The following AGBL1 variants were observed in gnomAD, a reference collection of about 807,000 sequenced individuals.
The protein encoded by AGBL1 is AGBL carboxypeptidase 1.
AGBL1 carries 130 observed loss-of-function variants against 118.9 expected under a neutral mutation model. The ratio of observed to expected loss-of-function variants is 1.09; its 90% confidence interval spans 0.95 to 1.26. The LOEUF (loss-of-function observed/expected upper bound fraction) is 1.26, where lower values mean the gene tolerates loss of function less well. Among genes scored for constraint, AGBL1 ranks in the 50% most tolerant of loss-of-function variants. AGBL1 has a pLI of 0.00. For synonymous variants in AGBL1, 555 were observed against 478.9 expected, an observed-to-expected ratio of 1.16 and a Z score of -2.08; for missense variants, 1,584 against 1,298.1, an observed-to-expected ratio of 1.22 and a Z score of -3.38.
At chr15:86,495,488 T>C (rs1334744643) in intron 18 of AGBL1, among the ~76,000 whole-genome samples, 1 of 151,762 alleles carries the variant, frequency 6.6e-6, no homozygotes, top group Non-Finnish European at 1.5e-5. Context: ...TGATAAGCAT[T>C]ATTTTCTTAT....
At chr15:86,371,589 A>G (rs977057078) in intron 17 of AGBL1, among the ~76,000 whole-genome samples, 1 of 152,144 alleles carries the variant, frequency 6.6e-6, no homozygotes, top group African/African-American at 2.4e-5. Flanking sequence ...ATTATCTACT[A>G]TTATACGTCA....
At chr15:87,017,751 A>G (rs2081621799) in intron 24 of AGBL1, among the ~76,000 whole-genome samples, 1 of 152,112 alleles carries the variant, frequency 6.6e-6, no homozygotes. Context: ...CCTCCAAATT[A>G]TTGCAGCATC....
At chr15:86,139,627 C>G (rs1484680968) in intron 1 of AGBL1, among the ~76,000 whole-genome samples, 2 of 152,138 alleles carry the variant, frequency 1.3e-5, no homozygotes, top group African/African-American at 4.8e-5. Context: ...GGGTAAGTGT[C>G]TAGGGATCCC....
chr15:86,252,328 A>T (rs1387685703), intron 7 of AGBL1, among the ~76,000 whole-genome samples: 1 of 152,176 alleles, frequency 6.6e-6, no homozygotes, highest in South Asian at 2.1e-4. Flanking sequence ...ACTGAATTCT[A>T]AAGAGAATAT....
chr15:86,744,740 T>A (rs1011520825), intron 22 of AGBL1, among the ~76,000 whole-genome samples: 2 of 152,152 alleles, frequency 1.3e-5, no homozygotes, highest in Non-Finnish European at 2.9e-5. Context: ...AATCACACTT[T>A]CACAGGATGT....
intron 1 of AGBL1, among the ~76,000 whole-genome samples, chr15:86,120,194 C>A (rs1898010690): frequency 6.6e-6 from 1 of 152,156 alleles, no homozygotes; most frequent in Non-Finnish European, 1.5e-5. Flanking sequence ...GTACTTGGGG[C>A]TGTAAGATAT....
At chr15:86,562,801 A>C (rs571565341) in intron 21 of AGBL1, among the ~76,000 whole-genome samples, 3 of 152,116 alleles carry the variant, frequency 2.0e-5, no homozygotes, top group Non-Finnish European at 4.4e-5. Context: ...TAGGCTATTA[A>C]TTATTGCCTC....
chr15:86,712,921 C>T (rs535246590), intron 22 of AGBL1, among the ~76,000 whole-genome samples: 1 of 152,280 alleles, frequency 6.6e-6, no homozygotes, highest in East Asian at 1.9e-4. Context: ...CCATGGTTCC[C>T]TCCTCTCCTG....
At chr15:86,625,635 T>G (rs2255783) in intron 21 of AGBL1, among the ~76,000 whole-genome samples, 66,005 of 151,552 alleles carry the variant, frequency 0.44, 14,829 homozygotes, top group Middle Eastern at 0.57. Flanking sequence ...TCTGGATCTT[T>G]GGGATAGAAG....
At chr15:86,175,157 TG>T (rs2077466163) in intron 5 of AGBL1, among the ~76,000 whole-genome samples, 1 of 152,028 alleles carries the variant, frequency 6.6e-6, no homozygotes, top group Non-Finnish European at 1.5e-5. Flanking sequence ...TTGTTGTTGT[TG>T]TTAGGGGACT....
At chr15:86,645,900 A>G (rs2085270519) in intron 21 of AGBL1, among the ~76,000 whole-genome samples, 1 of 152,214 alleles carries the variant, frequency 6.6e-6, no homozygotes, top group African/African-American at 2.4e-5. Context: ...GTTCAAAATC[A>G]AAAACCAAAA....
At chr15:86,851,214 C>T (rs750563745) in intron 22 of AGBL1, among the ~76,000 whole-genome samples, 1 of 152,108 alleles carries the variant, frequency 6.6e-6, no homozygotes, top group African/African-American at 2.4e-5. Flanking sequence ...AGGAGTGCTG[C>T]ATATAAAGCC....
intron 22 of AGBL1, among the ~76,000 whole-genome samples, chr15:86,732,301 A>G (rs2077536596): frequency 1.3e-5 from 2 of 152,208 alleles, no homozygotes; most frequent in South Asian, 4.1e-4. Flanking sequence ...TTCCAGCGTT[A>G]TAGGTTTTAT....
chr15:86,438,052 C>A (rs868722141), intron 18 of AGBL1, among the ~76,000 whole-genome samples: 1 of 152,028 alleles, frequency 6.6e-6, no homozygotes, highest in Non-Finnish European at 1.5e-5. Flanking sequence ...ATTACAGATG[C>A]GTGCCACCAT....
At chr15:86,845,912 A>G (rs1238443154) in intron 22 of AGBL1, among the ~76,000 whole-genome samples, 4 of 152,148 alleles carry the variant, frequency 2.6e-5, no homozygotes, top group Non-Finnish European at 2.9e-5. Flanking sequence ...GTATGACTCT[A>G]TTGTGTGACA....
intron 14 of AGBL1, 43 bp from the exon 15 acceptor site, chr15:86,271,576 C>G: frequency 7.4e-4 from 1,045 of 1,408,156 alleles, no homozygotes; most frequent in Non-Finnish European, 9.7e-4. Context: ...CCCAGAACAA[C>G]TCTCTTTCCC....
chr15:86,353,737 G>C (rs1349602653), intron 17 of AGBL1, among the ~76,000 whole-genome samples: 1 of 152,170 alleles, frequency 6.6e-6, no homozygotes, highest in Non-Finnish European at 1.5e-5. Context: ...AGACAGATTT[G>C]ATAGAGAGAA....
At chr15:86,408,736 CTG>C (rs2081569903) in intron 18 of AGBL1, among the ~76,000 whole-genome samples, 1 of 152,130 alleles carries the variant, frequency 6.6e-6, no homozygotes, top group African/African-American at 2.4e-5. Context: ...TTATCCATCT[CTG>C]TGTCAAGATG....
At chr15:86,626,394 A>C (rs2084887485) in intron 21 of AGBL1, among the ~76,000 whole-genome samples, 1 of 152,180 alleles carries the variant, frequency 6.6e-6, no homozygotes, top group African/African-American at 2.4e-5. Flanking sequence ...ATCCCTAGCA[A>C]ACTAATGCGG....
Sources: allele counts gnomAD v4.1 joint callset (sites outside exome capture counted in the v4.1 genomes callset), GRCh38; gene constraint gnomAD v4.1.1; transcripts MANE v1.5; gene names NCBI Gene and HGNC (gene_info 2026-07-23, HGNC 2026-07-21).